The following CA5B variants were observed in gnomAD, a reference collection of about 807,000 sequenced individuals.
The protein encoded by CA5B is carbonic anhydrase 5B.
Under a neutral mutation model 23.1 loss-of-function variants are expected in CA5B, and 15 were observed. The observed-to-expected ratio is 0.65, with a 90% CI of 0.43 to 1.00. The LOEUF is 1.00. CA5B is among the 50% of genes least tolerant of loss of function. CA5B has a pLI of 0.00. For missense variants in CA5B, 236 were observed against 252.2 expected (o/e 0.94, Z 0.43); for synonymous variants, 84 against 98.5 (o/e 0.85, Z 0.87).
At chrX:15,773,560 C>G (rs1260522113) in intron 4 of CA5B, among the ~76,000 whole-genome samples, 1 of 109,249 alleles carries the variant, frequency 9.2e-6, no homozygotes, top group Non-Finnish European at 1.9e-5. Flanking sequence ...CAAGCGCCCA[C>G]CACTGCGCCC....
chrX:15,744,415 C>T (rs1931183544), intron 1 of CA5B, among the ~76,000 whole-genome samples: 1 of 112,821 alleles, frequency 8.9e-6, no homozygotes, highest in African/African-American at 3.2e-5. Context: ...TACAGCTCTC[C>T]TGGCTGGCGG....
In CA5B at chrX:15,787,172, G is replaced by C. The variant is rs1932132670; in HGVS notation, c.*4508G>C. ...ATAACTCATTGGGCAAAGCTTTAAA[G>C]TACATCCTCCTTCCAGGGGAAAGAG... On this transcript the variant is annotated 3_prime_UTR_variant, in exon 8 of 8. Transcript: ENST00000318636. 1 of 111,613 alleles carries C rather than the reference G, an allele frequency of 9.0e-6. No individual in the cohort carries two copies. Among genetic ancestry groups the C allele is most frequent in the Non-Finnish European group, 1.9e-5 (1 of 53,129 alleles). 9.2% of individuals were successfully genotyped at this position (111,613 alleles called of 1,213,427 possible). A position where few individuals can be genotyped will look rare whatever the true frequency, so the allele number is the denominator to read the frequency against.
chrX:15,765,102 T>G (rs1046378921), intron 3 of CA5B: 1 of 119,789 alleles, frequency 8.3e-6, no homozygotes, highest in Admixed American at 9.5e-5. Flanking sequence ...ATGTACTAAT[T>G]TTTTTCCTTT....
chrX:15,776,141 G>A lies in CA5B; in HGVS notation c.619-573G>A, dbSNP rs776290143. 1.4e-4 allele frequency: 47 copies of A among 337,304 alleles called. No homozygotes were observed. In the East Asian group the frequency reaches 5.2e-3, roughly 38 times the overall value. 27.8% of individuals were successfully genotyped at this position (337,304 alleles called of 1,213,427 possible). On this transcript the variant is annotated intron_variant, in intron 6 of 7. Transcript: ENST00000318636. ...ATCACGAGGTCAGGAGATCGAGACT[G>A]TCCTGGCTAACACAGTGAAACCCCA...
intron 1 of CA5B, among the ~76,000 whole-genome samples, chrX:15,741,757 T>C (rs1931127982): frequency 8.9e-6 from 1 of 111,832 alleles, no homozygotes; most frequent in South Asian, 3.7e-4. Context: ...ATTACAGATG[T>C]GAGCCACTGT....
intron 6 of CA5B, chrX:15,776,035 C>T (rs1931916534): frequency 1.1e-5 from 8 of 751,218 alleles, no homozygotes; most frequent in Admixed American, 8.9e-5. Flanking sequence ...CTCAGTTAGC[C>T]TCTCGAAAAT....
chrX:15,750,227 T>A, intron 2 of CA5B, 62 bp downstream of exon 2: 5 of 913,004 alleles, frequency 5.5e-6, no homozygotes, highest in Non-Finnish European at 7.7e-6. Context: ...CAGAGTGAAA[T>A]CTCATCTCTT....
chrX:15,744,104 C>G (rs771967850), intron 1 of CA5B, among the ~76,000 whole-genome samples: 16 of 112,225 alleles, frequency 1.4e-4, no homozygotes, highest in Non-Finnish European at 1.9e-4. Context: ...GAGAGTCAGT[C>G]TGGATGTACA....
chrX:15,772,752 C>T (rs1411786022), intron 4 of CA5B, 138 bp downstream of exon 4: 5 of 389,198 alleles, frequency 1.3e-5, no homozygotes, highest in African/African-American at 5.1e-5. Flanking sequence ...TGATCATTCT[C>T]AGCTAAGACA....
At chrX:15,773,381 G>A (rs1042554381) in intron 4 of CA5B, among the ~76,000 whole-genome samples, 5 of 103,260 alleles carry the variant, frequency 4.8e-5, no homozygotes, top group African/African-American at 7.1e-5. Flanking sequence ...GACAACAGGC[G>A]CACATCACCA....
chrX:15,750,231 A>C, intron 2 of CA5B, 66 bp downstream of exon 2: 3 of 892,938 alleles, frequency 3.4e-6, no homozygotes, highest in Non-Finnish European at 3.1e-6. Context: ...GTGAAATCTC[A>C]TCTCTTAGAA....
chrX:15,763,108 T>G, intron 2 of CA5B: 1 of 203,564 alleles, frequency 4.9e-6, no homozygotes. Flanking sequence ...TACCCAGGTT[T>G]TGCAGGATGG....
chrX:15,741,601 C>T (rs975530138), intron 1 of CA5B, among the ~76,000 whole-genome samples: 2 of 109,574 alleles, frequency 1.8e-5, no homozygotes, highest in Admixed American at 9.7e-5. Flanking sequence ...GCCTCAGCCT[C>T]CCGAGTACAG....
chrX:15,750,047 G>A lies in CA5B; in HGVS notation c.24G>A (p.Arg8=). The change falls in exon 2 of 8, where the codon AGG becomes AGA. Residue 8 remains arginine, a synonymous_variant. Transcript: ENST00000318636. Reference sequence around the variant, plus strand: ...AGATGGTGGTGATGAACAGCCTGAGGGTCATTCTTCAAGCCTCTCCAGGCA... The same window carrying A: ...AGATGGTGGTGATGAACAGCCTGAGAGTCATTCTTCAAGCCTCTCCAGGCA... MVVMNSL[R]VILQASPGKL... is the part of the protein sequence containing the mutation. The A allele has an allele frequency of 6.6e-6, 8 of 1,210,164 alleles. No homozygotes were observed. Among genetic ancestry groups the A allele is most frequent in the Non-Finnish European group, 8.9e-6 (8 of 894,073 alleles).
At chrX:15,765,299 GT>G in intron 3 of CA5B, 1 of 397,818 alleles carries the variant, frequency 2.5e-6, no homozygotes, top group Non-Finnish European at 3.2e-6. Flanking sequence ...AATAAACAGT[GT>G]TACCTACCTA....
chrX:15,765,256 G>C, intron 3 of CA5B: 1 of 334,359 alleles, frequency 3.0e-6, no homozygotes, highest in Non-Finnish European at 3.9e-6. Context: ...ATGTATTAGA[G>C]AAATGGAAAC....
intron 7 of CA5B, among the ~76,000 whole-genome samples, chrX:15,779,479 C>G (rs1931983797): frequency 8.9e-6 from 1 of 112,073 alleles, no homozygotes; most frequent in Admixed American, 9.5e-5. Context: ...AATTAACCAT[C>G]ACAGGAAGAA....
chrX:15,762,455 T>G (rs1432761708), intron 2 of CA5B, among the ~76,000 whole-genome samples: 2 of 108,361 alleles, frequency 1.8e-5, no homozygotes, highest in African/African-American at 6.7e-5. Flanking sequence ...ATTCTTTTTT[T>G]TTTTGAGACA....
intron 2 of CA5B, among the ~76,000 whole-genome samples, chrX:15,752,914 C>G (rs150078306): frequency 0.021 from 2,353 of 111,464 alleles, 52 homozygotes; most frequent in African/African-American, 0.072. Context: ...TCCCTTTCTA[C>G]CAATCCCAGG....
Sources: gnomAD v4.1 joint callset for allele counts (sites outside exome capture counted in the v4.1 genomes callset) on GRCh38, gnomAD v4.1.1 for gene constraint, MANE v1.5 for transcripts, NCBI Gene and HGNC (gene_info 2026-07-23, HGNC 2026-07-21) for gene names.